SLC14A2: variants seen among roughly 807,000 people sequenced by gnomAD.
The protein encoded by SLC14A2 is solute carrier family 14 member 2.
In SLC14A2, 91 loss-of-function variants were observed where a neutral mutation model predicts 104.6. The observed-to-expected ratio is 0.87, with a 90% confidence interval of 0.73 to 1.04. The LOEUF is 1.04. Among genes scored for constraint, SLC14A2 ranks in the 50% least tolerant of loss-of-function variants. The pLI is 0.00. For synonymous variants in SLC14A2, 476 were observed against 466.4 expected, an observed-to-expected ratio of 1.02 and a Z score of -0.27; for missense variants, 1,189 against 1,156.0, an observed-to-expected ratio of 1.03 and a Z score of -0.41.
chr18:45,668,099 G>A (rs2144635015), intron 14 of SLC14A2, 77 bp downstream of exon 14: 2 of 1,410,618 alleles, frequency 1.4e-6, no homozygotes, highest in East Asian at 2.3e-5. Context: ...CCTCTTCCCA[G>A]CTGAGAAATC....
intron 16 of SLC14A2, among the ~76,000 whole-genome samples, chr18:45,670,561 T>C (rs1047285153): frequency 2.6e-5 from 4 of 152,316 alleles, no homozygotes; most frequent in South Asian, 2.1e-4. Context: ...CTCGTTTCTC[T>C]TAGCTTTCCA....
chr18:45,204,357 T>C, the SLC14A2 span, among the ~76,000 whole-genome samples: 2 of 152,218 alleles, frequency 1.3e-5, no homozygotes, highest in African/African-American at 4.8e-5. Flanking sequence ...CCTTCGGGTC[T>C]ACTTGATTGT....
At chr18:45,187,199 A>G in the SLC14A2 span, among the ~76,000 whole-genome samples, 1 of 152,160 alleles carries the variant, frequency 6.6e-6, no homozygotes, top group African/African-American at 2.4e-5. Context: ...AAGCCTAAGC[A>G]ATGACCTGTA....
At chr18:45,306,345 T>C (rs2085020920) in intron 1 of SLC14A2, among the ~76,000 whole-genome samples, 1 of 152,118 alleles carries the variant, frequency 6.6e-6, no homozygotes, top group Non-Finnish European at 1.5e-5. Flanking sequence ...TGCATAGGAG[T>C]AAAATGCTTT....
intron 1 of SLC14A2, among the ~76,000 whole-genome samples, chr18:45,409,819 T>C (rs1212689154): frequency 6.6e-6 from 1 of 152,208 alleles, no homozygotes; most frequent in Admixed American, 6.5e-5. Flanking sequence ...TGGAAGATAA[T>C]TTTTCCACAG....
intron 1 of SLC14A2, among the ~76,000 whole-genome samples, chr18:45,228,961 T>C (rs1419535911): frequency 6.6e-6 from 1 of 152,152 alleles, no homozygotes; most frequent in African/African-American, 2.4e-5. Flanking sequence ...CTCCAGTGTT[T>C]TCCCCTACAA....
At position 45,412,554 on chromosome 18, in the gene SLC14A2, C is replaced by G. The variant is rs547630212; in HGVS notation, c.-124-70679C>G. ...AGAGCCAGCCCAGAACCTCACCCCC[C>G]AGAGGAATCATCTGCTTCTCCTCAG... is the stretch of plus-strand genomic sequence containing the variant. On this transcript the variant is annotated intron_variant, in intron 1 of 20. Transcript: ENST00000586448. 3.3e-5 allele frequency among the ~76,000 whole-genome samples: 5 copies of G among 152,288 alleles called. No homozygotes were observed. In the South Asian group the frequency reaches 6.2e-4, roughly 19 times the overall value.
chr18:45,196,312 A>T, the SLC14A2 span, among the ~76,000 whole-genome samples: 1 of 152,290 alleles, frequency 6.6e-6, no homozygotes, highest in South Asian at 2.1e-4. Flanking sequence ...ACTTTTTTTC[A>T]TTCTCATTCT....
intron 1 of SLC14A2, among the ~76,000 whole-genome samples, chr18:45,623,038 C>G (rs1176324171): frequency 6.6e-6 from 1 of 151,926 alleles, no homozygotes; most frequent in East Asian, 1.9e-4. Context: ...GGGAGGGAGA[C>G]AGGTGCAAGA....
intron 2 of SLC14A2, among the ~76,000 whole-genome samples, chr18:45,561,018 G>T (rs1273327253): frequency 6.6e-6 from 1 of 152,156 alleles, no homozygotes; most frequent in East Asian, 1.9e-4. Flanking sequence ...CTGTCACCAA[G>T]ATATAAGCAA....
intron 1 of SLC14A2, among the ~76,000 whole-genome samples, chr18:45,300,867 TG>T (rs1166129396): frequency 6.6e-6 from 1 of 152,194 alleles, no homozygotes; most frequent in African/African-American, 2.4e-5. Context: ...ACCTATGCTC[TG>T]CATCCTCCAG....
At chr18:45,177,801 C>A in the SLC14A2 span, among the ~76,000 whole-genome samples, 1 of 152,124 alleles carries the variant, frequency 6.6e-6, no homozygotes. Flanking sequence ...AGTAGACATG[C>A]AATTCATAGT....
chr18:45,225,943 A>C (rs2144006841), intron 1 of SLC14A2, among the ~76,000 whole-genome samples: 2 of 152,346 alleles, frequency 1.3e-5, no homozygotes, highest in Middle Eastern at 6.8e-3. Flanking sequence ...AAACATCCAG[A>C]ATCTACAAAG....
In SLC14A2 at chr18:45,639,741, T is replaced by C. The variant is rs756158233; in HGVS notation, c.844-5T>C. ...CCAGTGACCTGTATTCTGTTAACTT[T>C]GCAGCTGTTACAAGCCATCCCTGTT... is the stretch of plus-strand genomic sequence containing the variant. On this transcript the variant is annotated splice_polypyrimidine_tract_variant and splice_region_variant and intron_variant, in intron 6 of 19. Coordinates refer to ENST00000255226, the MANE Select transcript of SLC14A2 (RefSeq NM_007163.4). 3 of 1,613,546 alleles carry C rather than the reference T, an allele frequency of 1.9e-6. No homozygotes were observed. Among genetic ancestry groups the C allele is most frequent in the Non-Finnish European group, 2.5e-6 (3 of 1,179,872 alleles).
the SLC14A2 span, among the ~76,000 whole-genome samples, chr18:45,182,190 A>C: frequency 2.0e-5 from 3 of 152,126 alleles, no homozygotes; most frequent in Non-Finnish European, 4.4e-5. Flanking sequence ...ATTATGAAAT[A>C]GGAAAATTAG....
intron 2 of SLC14A2, chr18:45,485,347 G>C (rs1256367022): frequency 6.6e-6 from 1 of 152,230 alleles, no homozygotes; most frequent in Non-Finnish European, 1.5e-5. Context: ...GTTCAAATGA[G>C]TTGGGATATC....
At chr18:45,403,168 C>T (rs1055382577) in intron 1 of SLC14A2, among the ~76,000 whole-genome samples, 9 of 152,294 alleles carry the variant, frequency 5.9e-5, no homozygotes, top group African/African-American at 1.9e-4. Context: ...ACCATGTCCT[C>T]GTATGTTCTT....
chr18:45,401,526 T>C (rs1445395568), intron 1 of SLC14A2, among the ~76,000 whole-genome samples: 1 of 151,882 alleles, frequency 6.6e-6, no homozygotes, highest in Non-Finnish European at 1.5e-5. Context: ...GATGGGAGAG[T>C]GATGGAAATG....
At chr18:45,414,734 G>A (rs1314529534) in intron 1 of SLC14A2, among the ~76,000 whole-genome samples, 1 of 101,872 alleles carries the variant, frequency 9.8e-6, no homozygotes, top group Non-Finnish European at 1.9e-5. Context: ...GCGGTGCAAG[G>A]CACCGAGCGT....
Sources: allele counts gnomAD v4.1 joint callset (sites outside exome capture counted in the v4.1 genomes callset), GRCh38; gene constraint gnomAD v4.1.1; transcripts MANE v1.5; gene names NCBI Gene and HGNC (gene_info 2026-07-23, HGNC 2026-07-21).